EXOC6B: variants seen among roughly 807,000 people sequenced by gnomAD.
EXOC6B encodes the protein exocyst complex component 6B, also known as SEC15 homolog B.
A neutral mutation model predicts 113.5 loss-of-function variants in EXOC6B; 54 were observed. The observed-to-expected ratio is 0.48, with a 90% CI of 0.38 to 0.60. The LOEUF (loss-of-function observed/expected upper bound fraction) is 0.60. Ranked by LOEUF, EXOC6B falls within the 20% of genes least tolerant of loss-of-function variation. EXOC6B has a pLI of 0.00. For synonymous variants in EXOC6B, 357 were observed against 339.0 expected (o/e 1.05, Z -0.58); for missense variants, 797 against 977.5 (o/e 0.82, Z 2.46).
At chr2:72,339,242 G>A (rs1335932201) in intron 19 of EXOC6B, among the ~76,000 whole-genome samples, 1 of 152,036 alleles carries the variant, frequency 6.6e-6, no homozygotes, top group Non-Finnish European at 1.5e-5. Context: ...AATTAAAATT[G>A]TCCTTCTTTG....
intron 19 of EXOC6B, among the ~76,000 whole-genome samples, chr2:72,349,897 T>A (rs896438131): frequency 6.6e-6 from 1 of 152,096 alleles, no homozygotes; most frequent in Non-Finnish European, 1.5e-5. Context: ...AGTGGGGCAG[T>A]CTTGTCGGAC....
intron 21 of EXOC6B, among the ~76,000 whole-genome samples, chr2:72,182,477 C>T (rs1295519364): frequency 6.6e-6 from 1 of 152,080 alleles, no homozygotes; most frequent in East Asian, 1.9e-4. Context: ...TAAGCCTTGC[C>T]TCTAATAAAG....
chr2:72,279,797 TTTG>T (rs1685020742), intron 20 of EXOC6B, among the ~76,000 whole-genome samples: 1 of 151,900 alleles, frequency 6.6e-6, no homozygotes, highest in South Asian at 2.1e-4. Context: ...TTGGGTTTTT[TTTG>T]TTGTTGTTGT....
intron 19 of EXOC6B, among the ~76,000 whole-genome samples, chr2:72,366,668 G>C (rs1020721415): frequency 6.6e-6 from 1 of 151,318 alleles, no homozygotes; most frequent in African/African-American, 2.4e-5. Context: ...AACTAGTGAA[G>C]AAAATCTCAA....
At chr2:72,724,956 A>T (rs1399336465) in intron 5 of EXOC6B, among the ~76,000 whole-genome samples, 1 of 152,172 alleles carries the variant, frequency 6.6e-6, no homozygotes, top group Non-Finnish European at 1.5e-5. Flanking sequence ...CATAAATATT[A>T]ATATAACTAA....
At chr2:72,557,289 CCG>C (rs1491137445) in intron 8 of EXOC6B, among the ~76,000 whole-genome samples, 485 of 7,732 alleles carry the variant, frequency 0.063, no homozygotes, top group Middle Eastern at 0.12. Flanking sequence ...AAAATAAAAT[CCG>C]GGGGGGGGGG....
rs549817414 is a variant in EXOC6B, at chr2:72,823,477, A to C, written c.113+2321T>G. Among the ~76,000 whole-genome samples, 240 of 110,034 alleles carry C rather than the reference A, an allele frequency of 2.2e-3. 8 individuals are homozygous for C. Among genetic ancestry groups the C allele is most frequent in the Middle Eastern group, 9.9e-3 (2 of 202 alleles). The allele number at this position is 110,034 out of a possible 152,430, so 72.2% of individuals were successfully genotyped here. A position where few individuals can be genotyped will look rare whatever the true frequency, so the allele number is the denominator to read the frequency against. ...GTTTTAAGAAAAAAAAAAAAAAAAA[A>C]ACAAAAAACAAAAAAAAAGACAGTG... On this transcript the variant is annotated intron_variant, in intron 1 of 21. Transcript: ENST00000272427.
chr2:72,640,295 A>G (rs569687776), intron 6 of EXOC6B, among the ~76,000 whole-genome samples: 1 of 152,322 alleles, frequency 6.6e-6, no homozygotes, highest in South Asian at 2.1e-4. Flanking sequence ...GCTTTCTGAA[A>G]TAAGACAGAC....
At chr2:72,621,201 C>T (rs565617262) in intron 6 of EXOC6B, among the ~76,000 whole-genome samples, 58 of 152,194 alleles carry the variant, frequency 3.8e-4, no homozygotes, top group Non-Finnish European at 5.4e-4. Context: ...GACACATGCA[C>T]CCATTATGTT....
At chr2:72,502,247 AAGAT>A (rs1700364158) in intron 11 of EXOC6B, among the ~76,000 whole-genome samples, 1 of 152,222 alleles carries the variant, frequency 6.6e-6, no homozygotes, top group African/African-American at 2.4e-5. Context: ...GAAGTTCTAG[AAGAT>A]AGGATGGGTA....
At chr2:72,647,569 T>C (rs1353892438) in intron 6 of EXOC6B, among the ~76,000 whole-genome samples, 2 of 152,124 alleles carry the variant, frequency 1.3e-5, no homozygotes, top group Non-Finnish European at 2.9e-5. Flanking sequence ...ATGGTACTAG[T>C]ACCAAAACAC....
chr2:72,406,455 A>C (rs1693770980), intron 18 of EXOC6B, among the ~76,000 whole-genome samples: 2 of 152,202 alleles, frequency 1.3e-5, no homozygotes. Flanking sequence ...AGTTGGAAGT[A>C]AAGCACTCCT....
chr2:72,563,672 G>C (rs961473216), intron 7 of EXOC6B, among the ~76,000 whole-genome samples: 1 of 152,078 alleles, frequency 6.6e-6, no homozygotes, highest in African/African-American at 2.4e-5. Flanking sequence ...AATATTAGAT[G>C]ATGAGGTGAA....
chr2:72,631,744 T>G (rs944444681), intron 6 of EXOC6B, among the ~76,000 whole-genome samples: 2 of 151,884 alleles, frequency 1.3e-5, no homozygotes, highest in Non-Finnish European at 1.5e-5. Context: ...GCTCAAGCAA[T>G]CCACCCGCCT....
chr2:72,768,877 C>T (rs1490640698), intron 1 of EXOC6B, among the ~76,000 whole-genome samples: 5 of 152,078 alleles, frequency 3.3e-5, no homozygotes. Flanking sequence ...CCTTAGGAGG[C>T]TGAGGCAAGA....
chr2:72,732,496 A>T (rs917271598), intron 3 of EXOC6B, among the ~76,000 whole-genome samples: 1 of 152,152 alleles, frequency 6.6e-6, no homozygotes, highest in Non-Finnish European at 1.5e-5. Flanking sequence ...ATATTTGTTG[A>T]GCATCCACAC....
chr2:72,617,163 G>A (rs1185818392), intron 6 of EXOC6B, among the ~76,000 whole-genome samples: 2 of 152,182 alleles, frequency 1.3e-5, no homozygotes, highest in South Asian at 2.1e-4. Context: ...GGGCTCCCAC[G>A]GCCTTGGGCA....
At chr2:72,672,201 CAAAAAAAA>C (rs61678584) in intron 6 of EXOC6B, among the ~76,000 whole-genome samples, 7,915 of 105,874 alleles carry the variant, frequency 0.075, 284 homozygotes, top group Non-Finnish European at 0.11. Context: ...GGTATATATC[CAAAAAAAA>C]AAAAAAAAAA....
chr2:72,401,605 G>GTA lies in EXOC6B; in HGVS notation c.1981-21737_1981-21736dup, dbSNP rs767434301. 2.0e-3 allele frequency among the ~76,000 whole-genome samples: 38 copies of GTA among 18,822 alleles called. 1 individual carries two copies. Among genetic ancestry groups the GTA allele is most frequent in the South Asian group, 4.4e-3 (4 of 918 alleles). The allele number at this position is 18,822 out of a possible 152,430, so 12.3% of individuals were successfully genotyped here. The stretch of plus-strand genomic sequence containing the variant: ...TACATATATATATATATATATATGT[G>GTA]TATATATATATATATACATATATAT... On this transcript the variant is annotated intron_variant, in intron 18 of 21. Coordinates refer to ENST00000272427, the MANE Select transcript of EXOC6B (RefSeq NM_015189.3).
Sources: gnomAD v4.1 joint callset for allele counts (sites outside exome capture counted in the v4.1 genomes callset) on GRCh38, gnomAD v4.1.1 for gene constraint, MANE v1.5 for transcripts, NCBI Gene and HGNC (gene_info 2026-07-23, HGNC 2026-07-21) for gene names.